Variants in FRMD4A observed in about 807,000 individuals in gnomAD.
FRMD4A encodes FERM domain-containing protein 4A.
Under a neutral mutation model 129.1 loss-of-function variants are expected in FRMD4A, and 29 were observed. The ratio of observed to expected loss-of-function variants is 0.22; its 90% CI spans 0.17 to 0.31. FRMD4A has a LOEUF of 0.31. Among genes scored for constraint, FRMD4A ranks in the 10% least tolerant of loss-of-function variants. FRMD4A has a pLI of 1.00. For missense variants in FRMD4A, 1,272 were observed against 1,375.8 expected, an observed-to-expected ratio of 0.92 and a Z score of 1.19; for synonymous variants, 634 against 571.6, an observed-to-expected ratio of 1.11 and a Z score of -1.56.
At chr10:14,212,109 C>G (rs1421289662) in intron 2 of FRMD4A, among the ~76,000 whole-genome samples, 1 of 152,134 alleles carries the variant, frequency 6.6e-6, no homozygotes. Context: ...AATTGCATCT[C>G]TTCTCCCAGG....
At chr10:13,810,079 G>C (rs906381146) in intron 4 of FRMD4A, among the ~76,000 whole-genome samples, 4 of 137,464 alleles carry the variant, frequency 2.9e-5, no homozygotes, top group East Asian at 1.9e-4. Flanking sequence ...CTGGAAGACA[G>C]AGAGAGAGAG....
At position 13,663,482 on chromosome 10, in the gene FRMD4A, G is replaced by A. The variant is rs748766299; in HGVS notation, c.1631C>T (p.Ser544Phe). The A allele has an allele frequency of 1.8e-5, 28 of 1,565,034 alleles. No homozygotes were observed. Among genetic ancestry groups the A allele is most frequent in the Non-Finnish European group, 2.5e-5 (28 of 1,135,196 alleles). ...DDGNIASEDS[S>F]LSDALVLEDE... ...CTCAAGAACAAGGGCATCTGAGAGG[G>A]AGCTGTCTTCACTGGCAATGTTTCC... Residue 544 changes from serine to phenylalanine, a missense_variant, in exon 19 of 25, where the codon TCC (serine) becomes TTC (phenylalanine). Ser to Phe is a radical substitution (Grantham distance 155). Coordinates refer to ENST00000357447, the MANE Select transcript of FRMD4A (RefSeq NM_018027.5).
chr10:13,656,855 C>T lies in FRMD4A; in HGVS notation c.2734G>A (p.Glu912Lys), dbSNP rs1191670091. The T allele has an allele frequency of 1.3e-6, 2 of 1,494,038 alleles. No homozygotes were observed. The highest frequency in any genetic ancestry group is 1.8e-6 in the Non-Finnish European group (2 of 1,125,394). The allele number at this position is 1,494,038 out of a possible 1,614,324, so 92.5% of individuals were successfully genotyped here. ...CCCGCGCCCTTGTCGTGGGCGCCCT[C>T]GCGGCCCAGCGACGGAGTCCGCAGG... ...QILRTPSLGR[E>K]GAHDKGAGRA... The change falls in exon 22 of 25, where the codon GAG becomes AAG. Residue 912 changes from glutamate (E) to lysine (K), a missense_variant. By Grantham distance (56) the Glu-to-Lys change is moderately conservative (BLOSUM62 1). Transcript: ENST00000357447.
intron 2 of FRMD4A, among the ~76,000 whole-genome samples, chr10:14,147,897 T>A (rs1840156105): frequency 6.6e-6 from 1 of 152,178 alleles, no homozygotes; most frequent in African/African-American, 2.4e-5. Flanking sequence ...CCACTTACTA[T>A]GTGATCTTGG....
chr10:13,671,504 G>C (rs2083508791), intron 16 of FRMD4A, among the ~76,000 whole-genome samples: 1 of 152,120 alleles, frequency 6.6e-6, no homozygotes, highest in African/African-American at 2.4e-5. Flanking sequence ...CCATGTTATT[G>C]ACAAGGCTAC....
chr10:14,055,312 G>A (rs142164054), intron 2 of FRMD4A, among the ~76,000 whole-genome samples: 43 of 152,222 alleles, frequency 2.8e-4, no homozygotes, highest in Admixed American at 8.5e-4. Flanking sequence ...CTTTCCAGAC[G>A]CAGTCTTCAT....
chr10:14,279,343 T>C (rs1845444736), intron 2 of FRMD4A, among the ~76,000 whole-genome samples: 1 of 151,938 alleles, frequency 6.6e-6, no homozygotes, highest in Non-Finnish European at 1.5e-5. Context: ...CCCACCACCA[T>C]ATTTGGCAAA....
intron 2 of FRMD4A, among the ~76,000 whole-genome samples, chr10:14,131,919 C>T (rs1004236211): frequency 6.6e-6 from 1 of 152,140 alleles, no homozygotes; most frequent in African/African-American, 2.4e-5. Context: ...GACCGAAGAC[C>T]CCTGCTTTGT....
intron 2 of FRMD4A, among the ~76,000 whole-genome samples, chr10:14,226,108 G>GT (rs981277034): frequency 3.9e-5 from 6 of 152,074 alleles, no homozygotes; most frequent in East Asian, 1.9e-4. Context: ...CTCCCTGCAT[G>GT]TTTTTTTTAA....
At chr10:14,291,569 T>C (rs1357101418) in intron 2 of FRMD4A, among the ~76,000 whole-genome samples, 1 of 152,150 alleles carries the variant, frequency 6.6e-6, no homozygotes, top group Non-Finnish European at 1.5e-5. Context: ...TTTCTGCAGA[T>C]GTCAAAATAA....
chr10:13,687,787 G>A (rs1203865302), intron 15 of FRMD4A, among the ~76,000 whole-genome samples: 1 of 152,164 alleles, frequency 6.6e-6, no homozygotes, highest in Admixed American at 6.5e-5. Context: ...AATAACAGAG[G>A]CACTGAGCAC....
chr10:13,879,569 G>T (rs1483107701), intron 2 of FRMD4A, among the ~76,000 whole-genome samples: 1 of 152,124 alleles, frequency 6.6e-6, no homozygotes, highest in Admixed American at 6.5e-5. Flanking sequence ...TTATCAAAAA[G>T]ACACCATCAG....
chr10:13,702,887 T>G (rs2086986629), intron 13 of FRMD4A, among the ~76,000 whole-genome samples: 1 of 135,548 alleles, frequency 7.4e-6, no homozygotes, highest in South Asian at 2.5e-4. Flanking sequence ...AGGTTTTTTC[T>G]CCCTTCGGTT....
chr10:13,699,501 C>G (rs1047636893), intron 14 of FRMD4A, among the ~76,000 whole-genome samples: 2 of 152,182 alleles, frequency 1.3e-5, no homozygotes, highest in Non-Finnish European at 2.9e-5. Context: ...GCCATAAGAA[C>G]AAGTTTCTTG....
chr10:14,198,279 T>C (rs1842528419), intron 2 of FRMD4A, among the ~76,000 whole-genome samples: 1 of 152,162 alleles, frequency 6.6e-6, no homozygotes, highest in Non-Finnish European at 1.5e-5. Flanking sequence ...GCGAGAGTGA[T>C]GGGGATGTTC....
At chr10:14,092,401 G>A (rs1344779124) in intron 2 of FRMD4A, among the ~76,000 whole-genome samples, 1 of 152,254 alleles carries the variant, frequency 6.6e-6, no homozygotes, top group Non-Finnish European at 1.5e-5. Context: ...GGTTGCAACA[G>A]GACTGGGCCG....
chr10:13,835,431 C>T (rs771380706), intron 3 of FRMD4A, among the ~76,000 whole-genome samples: 18 of 152,234 alleles, frequency 1.2e-4, no homozygotes, highest in African/African-American at 2.9e-4. Flanking sequence ...CCCAGGGCCA[C>T]GGACCAGTAC....
At chr10:14,250,426 T>C (rs866464438) in intron 2 of FRMD4A, among the ~76,000 whole-genome samples, 2 of 152,190 alleles carry the variant, frequency 1.3e-5, no homozygotes, top group South Asian at 4.1e-4. Flanking sequence ...TCCTCTACTT[T>C]TTACAAAGGT....
intron 4 of FRMD4A, 95 bp from the exon 5 acceptor site, chr10:13,796,683 T>C (rs1369844675): frequency 4.4e-6 from 3 of 685,484 alleles, no homozygotes; most frequent in Non-Finnish European, 8.0e-6. Flanking sequence ...TGCTGGATCG[T>C]AGATAAATTT....
Sources: allele counts gnomAD v4.1 joint callset (sites outside exome capture counted in the v4.1 genomes callset), GRCh38; gene constraint gnomAD v4.1.1; transcripts MANE v1.5; gene names NCBI Gene and HGNC (gene_info 2026-07-23, HGNC 2026-07-21).